The following COL19A1 variants were observed in gnomAD, a reference collection of about 807,000 sequenced individuals.
COL19A1 encodes collagen alpha-1(XIX) chain.
Under a neutral mutation model 190.2 loss-of-function variants are expected in COL19A1, and 159 were observed. That is an observed-to-expected ratio of 0.84 (90% confidence interval 0.73 to 0.95). The LOEUF (loss-of-function observed/expected upper bound fraction) is 0.95, where lower values mean the gene tolerates loss of function less well. Among genes scored for constraint, COL19A1 ranks in the 40% least tolerant of loss-of-function variants. COL19A1 has a pLI of 0.00. For synonymous variants in COL19A1, 509 were observed against 458.9 expected, an observed-to-expected ratio of 1.11 and a Z score of -1.39; for missense variants, 1,418 against 1,431.9, an observed-to-expected ratio of 0.99 and a Z score of 0.16.
At chr6:69,954,593 T>C (rs532588128) in intron 9 of COL19A1, among the ~76,000 whole-genome samples, 4 of 152,210 alleles carry the variant, frequency 2.6e-5, no homozygotes, top group Non-Finnish European at 5.9e-5. Flanking sequence ...AGGTATTGCT[T>C]CCTAGAATTA....
At chr6:70,200,324 A>G (rs1300193025) in intron 49 of COL19A1, among the ~76,000 whole-genome samples, 1 of 152,228 alleles carries the variant, frequency 6.6e-6, no homozygotes, top group Non-Finnish European at 1.5e-5. Context: ...TCCACTTATG[A>G]CAACTTGACG....
At chr6:69,911,697 C>T (rs1770930951) in intron 4 of COL19A1, among the ~76,000 whole-genome samples, 1 of 152,110 alleles carries the variant, frequency 6.6e-6, no homozygotes, top group Non-Finnish European at 1.5e-5. Context: ...GGAGGCAACC[C>T]CCCTTCTTTC....
chr6:70,099,944 C>A (rs550953631), intron 15 of COL19A1, among the ~76,000 whole-genome samples: 12 of 152,330 alleles, frequency 7.9e-5, no homozygotes, highest in African/African-American at 2.6e-4. Context: ...CTTGCCCTCA[C>A]CATATCCTGA....
At chr6:70,017,643 A>G (rs1168164679) in intron 11 of COL19A1, among the ~76,000 whole-genome samples, 3 of 152,188 alleles carry the variant, frequency 2.0e-5, no homozygotes, top group Admixed American at 1.3e-4. Flanking sequence ...AAGCTGGGAC[A>G]GATCCCTGTG....
In COL19A1 at chr6:70,180,442, T is replaced by A. The variant is rs1448773986; in HGVS notation, c.2713-19T>A. 1.2e-6 allele frequency: 2 copies of A among 1,614,108 alleles called. No homozygotes were observed. The highest frequency in any genetic ancestry group is 1.7e-6 in the Non-Finnish European group (2 of 1,179,982). On this transcript the variant is annotated intron_variant, in intron 43 of 50. Coordinates refer to ENST00000620364, the MANE Select transcript of COL19A1 (RefSeq NM_001858.6). ...AACATTTGTTGGCAATTAATTTGTG[T>A]CTGTGGATGTGTTTATAGGGTGAGA...
At chr6:70,161,373 G>C (rs536466099) in intron 34 of COL19A1, among the ~76,000 whole-genome samples, 4 of 152,194 alleles carry the variant, frequency 2.6e-5, no homozygotes, top group African/African-American at 9.6e-5. Flanking sequence ...CTGACGGAGT[G>C]GCCCTATAAA....
At chr6:70,060,006 A>G (rs866575412) in intron 14 of COL19A1, among the ~76,000 whole-genome samples, 8 of 152,326 alleles carry the variant, frequency 5.3e-5, no homozygotes, top group South Asian at 2.1e-4. Flanking sequence ...TGCACAAATT[A>G]TATAAATCTG....
chr6:70,151,758 T>A (rs1310498423), intron 31 of COL19A1, among the ~76,000 whole-genome samples: 3 of 152,150 alleles, frequency 2.0e-5, no homozygotes, highest in Non-Finnish European at 4.4e-5. Flanking sequence ...TTCTCTCCTC[T>A]GGAGGAACAT....
At chr6:70,200,465 A>G (rs531086291) in intron 49 of COL19A1, among the ~76,000 whole-genome samples, 36 of 152,366 alleles carry the variant, frequency 2.4e-4, no homozygotes, top group African/African-American at 8.7e-4. Flanking sequence ...TGAAAGGGAA[A>G]TATTAAATTC....
chr6:69,933,036 A>C (rs1401145545), intron 7 of COL19A1, among the ~76,000 whole-genome samples, 173 bp downstream of exon 7: 6 of 152,122 alleles, frequency 3.9e-5, no homozygotes, highest in Non-Finnish European at 8.8e-5. Context: ...TACTTTCAAC[A>C]GTTTTAATCC....
intron 11 of COL19A1, among the ~76,000 whole-genome samples, chr6:69,973,624 T>C (rs1229117101): frequency 2.9e-5 from 3 of 101,816 alleles, no homozygotes. Flanking sequence ...TTTTTTAAAT[T>C]AAGAAAAACA....
chr6:70,086,398 G>A (rs944661885), intron 15 of COL19A1, among the ~76,000 whole-genome samples: 9 of 152,002 alleles, frequency 5.9e-5, no homozygotes, highest in South Asian at 4.1e-4. Flanking sequence ...ATGTAAACTC[G>A]TGAGAGTAGT....
intron 15 of COL19A1, among the ~76,000 whole-genome samples, chr6:70,070,069 T>C (rs1781456558): frequency 6.6e-6 from 1 of 152,164 alleles, no homozygotes; most frequent in African/African-American, 2.4e-5. Context: ...AATCAAATCA[T>C]GTACAAATGT....
chr6:70,155,093 G>A (rs1787354527), intron 31 of COL19A1, among the ~76,000 whole-genome samples: 1 of 152,086 alleles, frequency 6.6e-6, no homozygotes, highest in African/African-American at 2.4e-5. Context: ...AAGCTTTTCA[G>A]TATCGTGCAA....
In COL19A1 at chr6:70,121,457, C is replaced by T. The variant is rs76570272; in HGVS notation, c.1279-423C>T. Among the ~76,000 whole-genome samples, 71 of 152,274 alleles carry T rather than the reference C, an allele frequency of 4.7e-4. No homozygotes were observed. In the East Asian group the frequency reaches 0.012, roughly 26 times the overall value. ...TCAAAAAAGTAAAGCAATAGAAAAA[C>T]ATTTTTTCCCAATTTACTAAGTTAA... On this transcript the variant is annotated intron_variant, in intron 16 of 50. Transcript: ENST00000620364.
At chr6:69,958,387 G>A (rs560367602) in intron 9 of COL19A1, among the ~76,000 whole-genome samples, 2 of 152,114 alleles carry the variant, frequency 1.3e-5, no homozygotes, top group Non-Finnish European at 2.9e-5. Flanking sequence ...ATGGACAAGT[G>A]GACATACTTC....
At chr6:70,136,317 C>T (rs1208517760) in intron 18 of COL19A1, among the ~76,000 whole-genome samples, 1 of 152,096 alleles carries the variant, frequency 6.6e-6, no homozygotes, top group Non-Finnish European at 1.5e-5. Flanking sequence ...TTAGGCACAT[C>T]CACAGGGGTC....
At chr6:70,130,316 C>T (rs1393618449) in intron 18 of COL19A1, 93 bp downstream of exon 18, 31 of 1,036,800 alleles carry the variant, frequency 3.0e-5, no homozygotes, top group Non-Finnish European at 4.1e-5. Flanking sequence ...ACCTCCACCT[C>T]CCAGGTTCAA....
At chr6:69,959,867 T>C (rs949652255) in intron 9 of COL19A1, 129 bp from the exon 10 acceptor site, 2 of 680,420 alleles carry the variant, frequency 2.9e-6, no homozygotes, top group Admixed American at 3.3e-5. Context: ...AAAGTCCCTA[T>C]GCATGATAGA....
Sources: allele counts gnomAD v4.1 joint callset (sites outside exome capture counted in the v4.1 genomes callset), GRCh38; gene constraint gnomAD v4.1.1; transcripts MANE v1.5; gene names NCBI Gene and HGNC (gene_info 2026-07-23, HGNC 2026-07-21).